BTBD7: variants seen among roughly 807,000 people sequenced by gnomAD.
BTBD7 encodes the protein BTB domain containing 7.
In BTBD7, 38 loss-of-function variants were observed where a neutral mutation model predicts 99.9. That is an observed-to-expected ratio of 0.38 (90% confidence interval 0.29 to 0.50). The LOEUF (loss-of-function observed/expected upper bound fraction) is 0.50. BTBD7 is among the 20% of genes least tolerant of loss of function. BTBD7 has a pLI of 0.93. For missense variants in BTBD7, 1,170 were observed against 1,394.6 expected, an observed-to-expected ratio of 0.84 and a Z score of 2.57; for synonymous variants, 520 against 511.4, an observed-to-expected ratio of 1.02 and a Z score of -0.23.
Position 93,246,298 on chromosome 14 carries a change from TAAA to T in BTBD7, c.2122-15_2122-13del, listed in dbSNP as rs55659625. The T allele has an allele frequency of 0.03, 40,148 of 1,328,896 alleles. 99 individuals are homozygous for T. The highest frequency in any genetic ancestry group is 0.056 in the South Asian group (2,851 of 50,506). 82.3% of individuals were successfully genotyped at this position (1,328,896 alleles called of 1,614,324 possible). A position where few individuals can be genotyped will look rare whatever the true frequency, so the allele number is the denominator to read the frequency against. Reference sequence around the variant, plus strand: ...AATTTGTGAGGATTCTAAAAAAGATTAAAAAAAAAAAAAAAGGACATTTATTAG... The same window carrying T: ...AATTTGTGAGGATTCTAAAAAAGATTAAAAAAAAAAAAGGACATTTATTAG... On this transcript the variant is annotated splice_polypyrimidine_tract_variant and intron_variant, in intron 9 of 10. Transcript: ENST00000334746.
chr14:93,313,598 ATGAGT>A (rs1174286760), intron 1 of BTBD7, among the ~76,000 whole-genome samples: 1 of 152,080 alleles, frequency 6.6e-6, no homozygotes, highest in Non-Finnish European at 1.5e-5. Flanking sequence ...ATACAGAGAA[ATGAGT>A]TGAGTATGGT....
intron 1 of BTBD7, among the ~76,000 whole-genome samples, chr14:93,306,187 C>T (rs1041422472): frequency 2.0e-5 from 3 of 152,100 alleles, no homozygotes; most frequent in Non-Finnish European, 4.4e-5. Flanking sequence ...AAGAAGGAAA[C>T]GATGACTGAG....
chr14:93,244,855 C>CTTTTTTT (rs58775665), intron 10 of BTBD7, among the ~76,000 whole-genome samples: 4 of 107,468 alleles, frequency 3.7e-5, no homozygotes, highest in African/African-American at 1.5e-4. Flanking sequence ...TCTTACAAAT[C>CTTTTTTT]TTTTTTTTTT....
intron 1 of BTBD7, among the ~76,000 whole-genome samples, chr14:93,327,078 T>TCC (rs1400624651): frequency 6.6e-6 from 1 of 152,168 alleles, no homozygotes; most frequent in Non-Finnish European, 1.5e-5. Context: ...GGAGGCTTGC[T>TCC]GGAGCCCAGG....
chr14:93,279,650 C>T (rs186368994), intron 3 of BTBD7, among the ~76,000 whole-genome samples: 53 of 152,234 alleles, frequency 3.5e-4, no homozygotes, highest in Admixed American at 1.7e-3. Flanking sequence ...CGGGTTCAAG[C>T]GATTCTCCTG....
chr14:93,286,688 G>C (rs1462735694), intron 3 of BTBD7, among the ~76,000 whole-genome samples: 1 of 152,156 alleles, frequency 6.6e-6, no homozygotes, highest in African/African-American at 2.4e-5. Context: ...CAGAAGAGCT[G>C]GTATGAGTTA....
chr14:93,320,319 A>T (rs1232064241), intron 1 of BTBD7, among the ~76,000 whole-genome samples: 1 of 152,200 alleles, frequency 6.6e-6, no homozygotes, highest in Non-Finnish European at 1.5e-5. Flanking sequence ...AAATTGCCAC[A>T]ACTGGACAGG....
chr14:93,310,125 T>C (rs995836277), intron 1 of BTBD7, among the ~76,000 whole-genome samples: 1 of 152,316 alleles, frequency 6.6e-6, no homozygotes, highest in South Asian at 2.1e-4. Context: ...GTATCAACTA[T>C]ATCCCAGTCC....
chr14:93,243,578 A>G (rs369436099), intron 10 of BTBD7, among the ~76,000 whole-genome samples: 11 of 152,326 alleles, frequency 7.2e-5, no homozygotes, highest in Admixed American at 1.3e-4. Flanking sequence ...CACTGTTAGC[A>G]TTTTGAGGTC....
intron 1 of BTBD7, among the ~76,000 whole-genome samples, chr14:93,304,657 T>G (rs2053049445): frequency 6.6e-6 from 1 of 152,156 alleles, no homozygotes; most frequent in African/African-American, 2.4e-5. Flanking sequence ...CGGCCTAGAT[T>G]TGAGTTTAAA....
chr14:93,280,677 T>G (rs2052708462), intron 3 of BTBD7, among the ~76,000 whole-genome samples: 1 of 152,140 alleles, frequency 6.6e-6, no homozygotes. Flanking sequence ...GGAGACATAT[T>G]TAGTAAGGCC....
chr14:93,324,816 G>A (rs1014965443), intron 1 of BTBD7, among the ~76,000 whole-genome samples: 25 of 152,226 alleles, frequency 1.6e-4, no homozygotes, highest in Admixed American at 1.4e-3. Flanking sequence ...TGGAGGTGGT[G>A]ACAAATCAGC....
chr14:93,328,378 TTAAAA>T (rs2053357766), intron 1 of BTBD7, among the ~76,000 whole-genome samples: 1 of 151,998 alleles, frequency 6.6e-6, no homozygotes, highest in African/African-American at 2.4e-5. Context: ...ACTACAGTAA[TTAAAA>T]TAGAGTGGTA....
intron 1 of BTBD7, among the ~76,000 whole-genome samples, chr14:93,312,770 C>A (rs573987821): frequency 6.6e-6 from 1 of 152,220 alleles, no homozygotes; most frequent in African/African-American, 2.4e-5. Flanking sequence ...GGTTCTTCTG[C>A]CCAGCCCACT....
At chr14:93,286,658 CA>C (rs542991276) in intron 3 of BTBD7, among the ~76,000 whole-genome samples, 29 of 152,288 alleles carry the variant, frequency 1.9e-4, no homozygotes, top group African/African-American at 7.0e-4. Context: ...CTACCATGCC[CA>C]AATTCCTGAG....
At chr14:93,328,242 T>C (rs1195925047) in intron 1 of BTBD7, among the ~76,000 whole-genome samples, 2 of 152,178 alleles carry the variant, frequency 1.3e-5, no homozygotes, top group African/African-American at 2.4e-5. Context: ...TAGCCTATTT[T>C]TTGCAGAAAT....
At chr14:93,259,043 T>C (rs982647697) in intron 5 of BTBD7, among the ~76,000 whole-genome samples, 2 of 152,232 alleles carry the variant, frequency 1.3e-5, no homozygotes, top group African/African-American at 4.8e-5. Context: ...GTTCTTATTA[T>C]CTGAAGTAGT....
chr14:93,296,064 C>T lies in BTBD7; in HGVS notation c.-13G>A, dbSNP rs568283495. On this transcript the variant is annotated 5_prime_UTR_variant, in exon 2 of 11. It adds an upstream start codon to the 5' untranslated region. Transcript: ENST00000334746. ...CATTAGCACCCATTTTCTTCAGTCA[C>T]TCAGGCATTCCGTCTGCGGGTTCTT... The T allele has an allele frequency of 1.9e-6, 3 of 1,612,850 alleles. No individual in the cohort carries two copies. Among genetic ancestry groups the T allele is most frequent in the African/African-American group, 1.3e-5 (1 of 75,034 alleles).
At chr14:93,255,759 G>A (rs1426794787) in intron 6 of BTBD7, 1 of 152,266 alleles carries the variant, frequency 6.6e-6, no homozygotes, top group South Asian at 2.1e-4. Flanking sequence ...GCCTCCCAAA[G>A]TGCTGGGATT....
Sources: allele counts gnomAD v4.1 joint callset (sites outside exome capture counted in the v4.1 genomes callset), GRCh38; gene constraint gnomAD v4.1.1; transcripts MANE v1.5; gene names NCBI Gene and HGNC (gene_info 2026-07-23, HGNC 2026-07-21).